KDM5A: variants seen among roughly 807,000 people sequenced by gnomAD.
The protein encoded by KDM5A is lysine demethylase 5A.
KDM5A carries 42 observed loss-of-function variants against 193.5 expected under a neutral mutation model. The observed-to-expected ratio is 0.22, with a 90% CI of 0.17 to 0.28. The LOEUF is 0.28. Among genes scored for constraint, KDM5A ranks in the 10% least tolerant of loss-of-function variants. The pLI, the probability that KDM5A is intolerant of heterozygous loss-of-function variation, is 1.00. For missense variants in KDM5A, 1,692 were observed against 2,055.1 expected, an observed-to-expected ratio of 0.82 and a Z score of 3.42; for synonymous variants, 796 against 718.1, an observed-to-expected ratio of 1.11 and a Z score of -1.73.
intron 18 of KDM5A, among the ~76,000 whole-genome samples, chr12:320,420 C>T (rs963863732): frequency 2.0e-4 from 31 of 152,060 alleles, no homozygotes; most frequent in African/African-American, 7.5e-4. Context: ...CGCTTGAACC[C>T]AGGAGGCAGA....
At position 284,038 on chromosome 12, in the gene KDM5A, T is replaced by C. The variant is rs536380999; in HGVS notation, c.*1418A>G. The C allele has an allele frequency of 4.0e-4, 93 of 232,848 alleles. No individual in the cohort carries two copies. The highest frequency in any genetic ancestry group is 7.0e-4 in the Non-Finnish European group (82 of 117,762). The allele number at this position is 232,848 out of a possible 1,614,324, so 14.4% of individuals were successfully genotyped here. On this transcript the variant is annotated 3_prime_UTR_variant, in exon 28 of 28. Transcript: ENST00000399788. ...TCCCAACACACAAAGGACATATAAT[T>C]ATCTATATGAACAAAAGCAAAATGG...
At chr12:299,848 A>G (rs958592404) in intron 24 of KDM5A, among the ~76,000 whole-genome samples, 1 of 151,910 alleles carries the variant, frequency 6.6e-6, no homozygotes, top group Non-Finnish European at 1.5e-5. Context: ...ATGGAGGAAG[A>G]TCTACCAAGC....
intron 19 of KDM5A, among the ~76,000 whole-genome samples, chr12:317,731 T>C (rs907376152): frequency 1.3e-5 from 2 of 152,194 alleles, no homozygotes; most frequent in African/African-American, 4.8e-5. Context: ...CGCTACCCCA[T>C]GCGTGGGTCC....
intron 3 of KDM5A, among the ~76,000 whole-genome samples, chr12:373,161 A>G (rs1026965985): frequency 6.6e-6 from 1 of 152,202 alleles, no homozygotes; most frequent in African/African-American, 2.4e-5. Context: ...AGTTTCAGAA[A>G]GAATGGTACC....
intron 13 of KDM5A, among the ~76,000 whole-genome samples, chr12:330,472 A>G (rs548597925): frequency 2.0e-4 from 30 of 152,306 alleles, no homozygotes; most frequent in South Asian, 1.2e-3. Flanking sequence ...CTTAGGCCCA[A>G]TGAAATTTTA....
chr12:326,256 A>G (rs1322932656), intron 14 of KDM5A, among the ~76,000 whole-genome samples: 1 of 152,236 alleles, frequency 6.6e-6, no homozygotes, highest in Non-Finnish European at 1.5e-5. Context: ...TCACAGTGAT[A>G]GTAATTCCTG....
At chr12:348,822 GGGTGCAGCAAAT>G in intron 10 of KDM5A, among the ~76,000 whole-genome samples, 1 of 151,810 alleles carries the variant, frequency 6.6e-6, no homozygotes, top group East Asian at 1.9e-4. Flanking sequence ...ATGAGCTGAT[GGGTGCAGCAAAT>G]CAACATGGCA....
intron 24 of KDM5A, among the ~76,000 whole-genome samples, chr12:300,670 T>C (rs1467998966): frequency 6.6e-6 from 1 of 151,778 alleles, no homozygotes; most frequent in Non-Finnish European, 1.5e-5. Context: ...AGGCAAGAAA[T>C]AACTAAGATC....
intron 3 of KDM5A, among the ~76,000 whole-genome samples, chr12:373,728 T>C (rs1404063330): frequency 6.6e-6 from 1 of 152,258 alleles, no homozygotes; most frequent in East Asian, 1.9e-4. Context: ...GTGCTATAAA[T>C]TTCCCTCTAC....
intron 1 of KDM5A, chr12:388,314 G>C (rs1164929888): frequency 4.4e-6 from 2 of 455,762 alleles, no homozygotes; most frequent in East Asian, 1.4e-4. Context: ...TTGATCTTGA[G>C]TTCCCTACGT....
At chr12:302,116 C>G (rs1451559102) in intron 24 of KDM5A, among the ~76,000 whole-genome samples, 1 of 152,154 alleles carries the variant, frequency 6.6e-6, no homozygotes, top group Non-Finnish European at 1.5e-5. Context: ...TTTACAGATT[C>G]AATGCTATTC....
At chr12:338,484 T>G (rs1943960978) in intron 10 of KDM5A, among the ~76,000 whole-genome samples, 1 of 152,220 alleles carries the variant, frequency 6.6e-6, no homozygotes, top group Non-Finnish European at 1.5e-5. Flanking sequence ...GGGAAGCCTG[T>G]GCCTGGTTTA....
At chr12:342,774 T>TAA (rs78058969) in intron 10 of KDM5A, among the ~76,000 whole-genome samples, 37 of 126,792 alleles carry the variant, frequency 2.9e-4, no homozygotes, top group East Asian at 1.6e-3. Flanking sequence ...AAATGTGATT[T>TAA]AAAAAAAAAA....
At position 328,848 on chromosome 12, in the gene KDM5A, G is replaced by T. The variant is rs781010803; in HGVS notation, c.1955C>A (p.Ser652Tyr). 1 of 1,613,914 alleles carries T rather than the reference G, an allele frequency of 6.2e-7. No homozygotes were observed. Among genetic ancestry groups the T allele is most frequent in the East Asian group, 2.2e-5 (1 of 44,884 alleles). Residue 652 changes from serine to tyrosine, a missense_variant, in exon 14 of 28, where the codon TCT becomes TAT. Physicochemically the swap from Ser to Tyr is moderately radical, Grantham distance 144. Coordinates refer to ENST00000399788, the MANE Select transcript of KDM5A (RefSeq NM_001042603.3). ...MTEEETRLRE[S>Y]VVQMGVLMSE... ...CAGCAAACTCACCATCTGTACAACA[G>T]ACTCTCTTAATCGTGTTTCTTCTTC...
intron 10 of KDM5A, among the ~76,000 whole-genome samples, chr12:339,317 CAG>C (rs1232305225): frequency 3.9e-5 from 6 of 152,208 alleles, no homozygotes; most frequent in African/African-American, 1.4e-4. Flanking sequence ...GAGTAACTTT[CAG>C]AGAGTAATAA....
intron 1 of KDM5A, chr12:387,380 A>G (rs1313582328): frequency 4.6e-6 from 1 of 216,396 alleles, no homozygotes; most frequent in Non-Finnish European, 9.4e-6. Context: ...TTTTTAATCA[A>G]AGTAACCGTG....
chr12:358,677 TAAAA>T (rs1944255421), intron 5 of KDM5A, among the ~76,000 whole-genome samples: 1 of 151,958 alleles, frequency 6.6e-6, no homozygotes, highest in Admixed American at 6.6e-5. Context: ...ACTCTCTACT[TAAAA>T]AATAACAAAG....
At chr12:309,733 T>G in intron 22 of KDM5A, 70 bp downstream of exon 22, 1 of 1,497,768 alleles carries the variant, frequency 6.7e-7, no homozygotes, top group Non-Finnish European at 9.3e-7. Flanking sequence ...ATAAAAACTG[T>G]GAGTCTGCTA....
At chr12:346,244 A>G (rs1446724986) in intron 10 of KDM5A, among the ~76,000 whole-genome samples, 1 of 152,216 alleles carries the variant, frequency 6.6e-6, no homozygotes, top group Non-Finnish European at 1.5e-5. Flanking sequence ...GAACAGACCA[A>G]TAGCAGGCTC....
Sources: gnomAD v4.1 joint callset for allele counts (sites outside exome capture counted in the v4.1 genomes callset) on GRCh38, gnomAD v4.1.1 for gene constraint, MANE v1.5 for transcripts, NCBI Gene and HGNC (gene_info 2026-07-23, HGNC 2026-07-21) for gene names.